The following ZRANB3 variants were observed in gnomAD, a reference collection of about 807,000 sequenced individuals.
The protein encoded by ZRANB3 is zinc finger RANBP2-type containing 3, also known as DNA annealing helicase and endonuclease ZRANB3.
Under a neutral mutation model 133.8 loss-of-function variants are expected in ZRANB3, and 125 were observed. The observed-to-expected ratio is 0.93, with a 90% CI of 0.81 to 1.08. The LOEUF (loss-of-function observed/expected upper bound fraction) is 1.08, where lower values mean the gene tolerates loss of function less well. Among genes scored for constraint, ZRANB3 ranks in the 50% least tolerant of loss-of-function variants. The pLI, the probability that ZRANB3 is intolerant of heterozygous loss-of-function variation, is 0.00. For synonymous variants in ZRANB3, 387 were observed against 432.7 expected, an observed-to-expected ratio of 0.89 and a Z score of 1.31; for missense variants, 1,229 against 1,275.5, an observed-to-expected ratio of 0.96 and a Z score of 0.56.
At chr2:135,348,364 T>A (rs1685044370) in intron 5 of ZRANB3, among the ~76,000 whole-genome samples, 1 of 152,030 alleles carries the variant, frequency 6.6e-6, no homozygotes, top group African/African-American at 2.4e-5. Context: ...TTCTTTTTCT[T>A]AGAAAAAAAT....
chr2:135,280,424 G>A (rs778761023), intron 8 of ZRANB3, among the ~76,000 whole-genome samples: 17 of 152,068 alleles, frequency 1.1e-4, no homozygotes, highest in Non-Finnish European at 1.8e-4. Flanking sequence ...AAAATTAGCC[G>A]GGTGTGATGG....
chr2:135,354,897 T>C (rs1268549490), intron 3 of ZRANB3, among the ~76,000 whole-genome samples: 1 of 152,152 alleles, frequency 6.6e-6, no homozygotes, highest in East Asian at 1.9e-4. Flanking sequence ...AATGGGTGAA[T>C]TTACATAAAA....
chr2:135,358,780 C>A (rs901434262), intron 3 of ZRANB3, among the ~76,000 whole-genome samples: 157 of 152,144 alleles, frequency 1.0e-3, no homozygotes, highest in African/African-American at 3.6e-3. Context: ...AGTCTCACTC[C>A]ATTTTTTGAT....
At chr2:135,437,869 AT>A in intron 2 of ZRANB3, among the ~76,000 whole-genome samples, 1 of 152,282 alleles carries the variant, frequency 6.6e-6, no homozygotes, top group East Asian at 1.9e-4. Context: ...TCCAGAAAAG[AT>A]TATCCCTCCA....
chr2:135,479,258 G>A (rs555645514), intron 2 of ZRANB3, among the ~76,000 whole-genome samples: 3 of 152,258 alleles, frequency 2.0e-5, no homozygotes, highest in East Asian at 1.9e-4. Context: ...CTAGAGAATC[G>A]TAGAAGGGTA....
At chr2:135,233,044 A>G (rs1032748565) in intron 12 of ZRANB3, among the ~76,000 whole-genome samples, 17 of 152,114 alleles carry the variant, frequency 1.1e-4, no homozygotes, top group African/African-American at 4.1e-4. Flanking sequence ...AAAAACCTTG[A>G]AAAAAAATTA....
intron 3 of ZRANB3, among the ~76,000 whole-genome samples, chr2:135,383,988 A>C (rs564258891): frequency 6.6e-6 from 1 of 152,328 alleles, no homozygotes; most frequent in South Asian, 2.1e-4. Flanking sequence ...AGAAATAACT[A>C]AGATCAGAGC....
intron 3 of ZRANB3, among the ~76,000 whole-genome samples, chr2:135,360,249 C>T (rs975214206): frequency 9.9e-5 from 15 of 151,900 alleles, no homozygotes; most frequent in African/African-American, 2.4e-4. Context: ...GGCATAGTGG[C>T]GCACACCTGT....
chr2:135,471,538 T>C (rs1343870234), intron 2 of ZRANB3, among the ~76,000 whole-genome samples: 1 of 152,226 alleles, frequency 6.6e-6, no homozygotes, highest in Non-Finnish European at 1.5e-5. Flanking sequence ...TGCTTCACTG[T>C]AACAAAATAT....
chr2:135,315,580 G>C (rs1177897387), intron 6 of ZRANB3, 50 bp from the exon 7 acceptor site: 4 of 1,286,312 alleles, frequency 3.1e-6, no homozygotes, highest in Admixed American at 3.7e-5. Flanking sequence ...CTGGAGTTAA[G>C]AAAATAATTT....
At chr2:135,347,851 G>T (rs1403603899) in intron 5 of ZRANB3, among the ~76,000 whole-genome samples, 1 of 152,128 alleles carries the variant, frequency 6.6e-6, no homozygotes, top group African/African-American at 2.4e-5. Context: ...AGTTGCATAT[G>T]ACTATGTTAA....
intron 8 of ZRANB3, among the ~76,000 whole-genome samples, chr2:135,311,526 A>T (rs1682973626): frequency 6.6e-6 from 1 of 152,002 alleles, no homozygotes; most frequent in South Asian, 2.1e-4. Flanking sequence ...TACCACTTTG[A>T]CTTACAATAG....
intron 6 of ZRANB3, among the ~76,000 whole-genome samples, chr2:135,321,438 TA>T (rs1683521645): frequency 6.6e-6 from 1 of 152,004 alleles, no homozygotes; most frequent in Admixed American, 6.6e-5. Flanking sequence ...TAACTGTTTT[TA>T]AAATTATTTT....
chr2:135,234,142 T>A (rs1695175588), intron 12 of ZRANB3, among the ~76,000 whole-genome samples: 1 of 152,096 alleles, frequency 6.6e-6, no homozygotes, highest in African/African-American at 2.4e-5. Flanking sequence ...GGCGTTGCAA[T>A]CCTAGTCTCG....
At position 135,418,925 on chromosome 2, in the gene ZRANB3, CTTTTTTTTTT is replaced by C. The variant is rs769271961; in HGVS notation, c.162-28115_162-28106del. Among the ~76,000 whole-genome samples the C allele has an allele frequency of 8.1e-4, 70 of 85,902 alleles. 1 individual carries two copies. Among genetic ancestry groups the C allele is most frequent in the African/African-American group, 2.8e-3 (61 of 22,114 alleles). The allele number at this position is 85,902 out of a possible 152,430, so 56.4% of individuals were successfully genotyped here. On this transcript the variant is annotated intron_variant, in intron 2 of 20. Coordinates refer to ENST00000264159, the MANE Select transcript of ZRANB3 (RefSeq NM_032143.4). ...AAGTAATGAAAAATAAGGATTCTCTCTTTTTTTTTTTTTTTTTTTTTTTTTTTTTTGAGAC... is the reference window on the plus strand; with the variant it reads ...AAGTAATGAAAAATAAGGATTCTCTCTTTTTTTTTTTTTTTTTTTTGAGAC...
intron 8 of ZRANB3, among the ~76,000 whole-genome samples, chr2:135,302,588 C>A (rs113541326): frequency 7.7e-4 from 116 of 151,226 alleles, no homozygotes; most frequent in African/African-American, 2.6e-3. Context: ...TGCAGTGGCA[C>A]CATCTTAGCT....
chr2:135,266,647 C>A (rs1214850339), intron 11 of ZRANB3, among the ~76,000 whole-genome samples: 1 of 151,972 alleles, frequency 6.6e-6, no homozygotes. Flanking sequence ...CGCCTGTAGT[C>A]CCAGCTACTC....
intron 8 of ZRANB3, among the ~76,000 whole-genome samples, chr2:135,301,527 C>G (rs1407195310): frequency 6.6e-6 from 1 of 152,098 alleles, no homozygotes; most frequent in Non-Finnish European, 1.5e-5. Flanking sequence ...CTATGTTGCC[C>G]AGGCTGGAGA....
chr2:135,272,910 G>A (rs769599059), intron 9 of ZRANB3, among the ~76,000 whole-genome samples: 17 of 152,040 alleles, frequency 1.1e-4, no homozygotes, highest in Middle Eastern at 3.4e-3. Flanking sequence ...TTGGCCGGGC[G>A]CGGTGTCTCA....
Sources: gnomAD v4.1 joint callset for allele counts (sites outside exome capture counted in the v4.1 genomes callset) on GRCh38, gnomAD v4.1.1 for gene constraint, MANE v1.5 for transcripts, NCBI Gene and HGNC (gene_info 2026-07-23, HGNC 2026-07-21) for gene names.